EPB41L2: variants seen among roughly 807,000 people sequenced by gnomAD.
The protein encoded by EPB41L2 is erythrocyte membrane protein band 4.1 like 2.
A neutral mutation model predicts 113.0 loss-of-function variants in EPB41L2; 43 were observed. The ratio of observed to expected loss-of-function variants is 0.38; its 90% CI spans 0.30 to 0.49. The LOEUF (loss-of-function observed/expected upper bound fraction) is 0.49, where lower values mean the gene tolerates loss of function less well. Ranked by LOEUF, EPB41L2 falls within the 20% of genes least tolerant of loss-of-function variation. The pLI is 0.95. For missense variants in EPB41L2, 1,147 were observed against 1,223.4 expected (o/e 0.94, Z 0.93); for synonymous variants, 442 against 436.7 (o/e 1.01, Z -0.15).
At chr6:130,857,219 A>G (rs1399204236) in intron 19 of EPB41L2, among the ~76,000 whole-genome samples, 1 of 152,182 alleles carries the variant, frequency 6.6e-6, no homozygotes, top group Admixed American at 6.5e-5. Context: ...TGCCAAATTT[A>G]TAGGTGAAAA....
At chr6:130,956,826 A>G (rs1817612852) in intron 1 of EPB41L2, among the ~76,000 whole-genome samples, 1 of 152,224 alleles carries the variant, frequency 6.6e-6, no homozygotes, top group Non-Finnish European at 1.5e-5. Flanking sequence ...ATAAACAATA[A>G]TTGATATCTA....
intron 11 of EPB41L2, among the ~76,000 whole-genome samples, chr6:130,887,560 C>T (rs1315837305): frequency 2.0e-5 from 3 of 152,218 alleles, no homozygotes; most frequent in East Asian, 3.8e-4. Context: ...TTACCTCTCC[C>T]GCCACTTCCT....
At chr6:130,954,520 T>C (rs1816729613) in intron 3 of EPB41L2, among the ~76,000 whole-genome samples, 1 of 152,174 alleles carries the variant, frequency 6.6e-6, no homozygotes, top group South Asian at 2.1e-4. Context: ...ACACAGTTCT[T>C]CAGCAAACAT....
At chr6:130,876,780 T>C (rs1213264243) in intron 14 of EPB41L2, 1 of 1,300,042 alleles carries the variant, frequency 7.7e-7, no homozygotes. Flanking sequence ...TTTTCTCTAT[T>C]GTTTTAAACA....
At chr6:130,968,023 A>C (rs975828048) in intron 1 of EPB41L2, among the ~76,000 whole-genome samples, 2 of 152,154 alleles carry the variant, frequency 1.3e-5, no homozygotes, top group African/African-American at 4.8e-5. Flanking sequence ...TATTTTTCCT[A>C]AGCTCACCCC....
Position 130,996,318 on chromosome 6 carries a change from T to C in EPB41L2, c.-14-39819A>G, listed in dbSNP as rs376504311. 2.1e-4 allele frequency among the ~76,000 whole-genome samples: 32 copies of C among 152,350 alleles called. 1 individual carries two copies. The highest frequency in any genetic ancestry group is 7.5e-4 in the African/African-American group (31 of 41,584). ...ACATAAACAAACACTGGAACCCCTGTGTACCTCTGCCCCAGATGACAGGAG... is the reference window on the plus strand; with the variant it reads ...ACATAAACAAACACTGGAACCCCTGCGTACCTCTGCCCCAGATGACAGGAG... On this transcript the variant is annotated intron_variant, in intron 1 of 19. Transcript: ENST00000337057.
chr6:130,858,278 G>A (rs374429285), intron 18 of EPB41L2, 35 bp from the exon 19 acceptor site: 8 of 1,545,688 alleles, frequency 5.2e-6, no homozygotes, highest in African/African-American at 1.4e-5. Context: ...GCTGTGAGCT[G>A]GGGAACAGCC....
At chr6:131,047,307 A>G (rs1387510752) in intron 1 of EPB41L2, among the ~76,000 whole-genome samples, 7 of 152,122 alleles carry the variant, frequency 4.6e-5, no homozygotes. Context: ...GTGAGTACCC[A>G]GTGTACTCCG....
chr6:130,889,769 T>C (rs1024286983), intron 11 of EPB41L2, among the ~76,000 whole-genome samples: 2 of 152,206 alleles, frequency 1.3e-5, no homozygotes, highest in South Asian at 4.1e-4. Context: ...CAGTAAAACA[T>C]ATGTGTCCAA....
intron 1 of EPB41L2, among the ~76,000 whole-genome samples, chr6:130,994,776 T>C (rs538267859): frequency 3.3e-5 from 5 of 152,282 alleles, no homozygotes; most frequent in East Asian, 3.9e-4. Context: ...AAGCTGGGAA[T>C]TGCTTAGGGC....
At position 130,863,716 on chromosome 6, in the gene EPB41L2, A is replaced by G; in HGVS notation, c.2832T>C (p.Thr944=). Residue 944 remains threonine, a splice_region_variant and synonymous_variant, in exon 18 of 20, where the codon ACT becomes ACC. Transcript: ENST00000337057. ...TTGTTTCAGAAATTCCACCTTTTAC[A>G]GTCTAAAGGTCATAAAGGAGAAGAA... ...STTTTTHITK[T]VKGGISETRI... The G allele has an allele frequency of 6.2e-7, 1 of 1,609,438 alleles. No individual in the cohort carries two copies. Among genetic ancestry groups the G allele is most frequent in the Non-Finnish European group, 8.5e-7 (1 of 1,175,856 alleles).
chr6:130,868,376 C>T (rs1784579389), intron 15 of EPB41L2: 3 of 152,172 alleles, frequency 2.0e-5, no homozygotes, highest in South Asian at 2.1e-4. Flanking sequence ...AGGAAATATT[C>T]AACGGCTTAT....
intron 1 of EPB41L2, among the ~76,000 whole-genome samples, chr6:131,008,000 G>A (rs1785994011): frequency 6.6e-6 from 1 of 152,252 alleles, no homozygotes; most frequent in Non-Finnish European, 1.5e-5. Flanking sequence ...ATTTTCTGGG[G>A]AGAAATTCAA....
chr6:131,033,196 GA>G (rs942325914), intron 1 of EPB41L2, among the ~76,000 whole-genome samples: 9 of 149,180 alleles, frequency 6.0e-5, no homozygotes, highest in African/African-American at 2.2e-4. Context: ...ATTTAAAAAA[GA>G]AAAAAAGAGA....
At chr6:131,001,675 A>T (rs949346450) in intron 1 of EPB41L2, among the ~76,000 whole-genome samples, 6 of 151,752 alleles carry the variant, frequency 4.0e-5, no homozygotes, top group Non-Finnish European at 8.8e-5. Context: ...AATTAATCCC[A>T]CCCTAATATT....
intron 4 of EPB41L2, among the ~76,000 whole-genome samples, chr6:130,909,428 T>C (rs1461189802): frequency 1.3e-5 from 2 of 152,200 alleles, no homozygotes; most frequent in Admixed American, 6.5e-5. Context: ...CTGGTCTTAA[T>C]ATAACACCCT....
At chr6:130,868,379 C>A (rs990565081) in intron 15 of EPB41L2, 1 of 152,196 alleles carries the variant, frequency 6.6e-6, no homozygotes, top group Non-Finnish European at 1.5e-5. Context: ...AAATATTCAA[C>A]GGCTTATTAA....
intron 6 of EPB41L2, among the ~76,000 whole-genome samples, chr6:130,901,682 C>T (rs1796349402): frequency 6.6e-6 from 1 of 152,130 alleles, no homozygotes; most frequent in South Asian, 2.1e-4. Flanking sequence ...TCCATTTACC[C>T]CATTTAAAGC....
chr6:131,051,315 T>A (rs772389503), intron 1 of EPB41L2, among the ~76,000 whole-genome samples: 71 of 152,144 alleles, frequency 4.7e-4, no homozygotes, highest in Non-Finnish European at 8.5e-4. Context: ...GGCAATCTTG[T>A]GGAATTTTGT....
Sources: allele counts gnomAD v4.1 joint callset (sites outside exome capture counted in the v4.1 genomes callset), GRCh38; gene constraint gnomAD v4.1.1; transcripts MANE v1.5; gene names NCBI Gene and HGNC (gene_info 2026-07-23, HGNC 2026-07-21).